The following TUSC3 variants were observed in gnomAD, a reference collection of about 807,000 sequenced individuals.
The protein encoded by TUSC3 is tumor suppressor candidate 3, also known as dolichyl-diphosphooligosaccharide--protein glycosyltransferase subunit TUSC3.
A neutral mutation model predicts 44.8 loss-of-function variants in TUSC3; 45 were observed. The observed-to-expected ratio is 1.00, with a 90% confidence interval of 0.79 to 1.29. The LOEUF (loss-of-function observed/expected upper bound fraction) is 1.29. Among genes scored for constraint, TUSC3 ranks in the 50% most tolerant of loss-of-function variants. The pLI is 0.00. For synonymous variants in TUSC3, 212 were observed against 152.9 expected, an observed-to-expected ratio of 1.39 and a Z score of -2.85; for missense variants, 519 against 437.9, an observed-to-expected ratio of 1.19 and a Z score of -1.65.
chr8:15,742,345 T>A (rs1204319629), intron 7 of TUSC3, among the ~76,000 whole-genome samples: 1 of 140,588 alleles, frequency 7.1e-6, no homozygotes, highest in African/African-American at 2.6e-5. Flanking sequence ...GAAAAACCGT[T>A]TGTATAGAGA....
At chr8:15,842,381 GA>G in the TUSC3 span, among the ~76,000 whole-genome samples, 1 of 152,232 alleles carries the variant, frequency 6.6e-6, no homozygotes, top group East Asian at 1.9e-4. Flanking sequence ...GATTAAACTT[GA>G]TATTGTACAC....
the TUSC3 span, among the ~76,000 whole-genome samples, chr8:15,777,159 A>G: frequency 1.3e-5 from 2 of 152,196 alleles, no homozygotes; most frequent in African/African-American, 4.8e-5. Context: ...AGGGTAACTA[A>G]AAGATAAATC....
At chr8:15,467,381 T>C (rs535538695) in intron 1 of TUSC3, among the ~76,000 whole-genome samples, 119 of 151,456 alleles carry the variant, frequency 7.9e-4, no homozygotes, top group African/African-American at 2.8e-3. Flanking sequence ...ATCTGAAACA[T>C]GGTGTGTGGG....
intron 7 of TUSC3, among the ~76,000 whole-genome samples, chr8:15,742,696 G>T (rs913350928): frequency 6.6e-6 from 1 of 152,202 alleles, no homozygotes; most frequent in Admixed American, 6.5e-5. Flanking sequence ...AATTGAGGAG[G>T]TTCTGGGCTA....
chr8:15,425,438 G>A (rs1347592398), intron 1 of TUSC3, among the ~76,000 whole-genome samples: 8 of 152,198 alleles, frequency 5.3e-5, no homozygotes. Context: ...AAAATTAAGG[G>A]AAGACTTCTG....
chr8:15,576,410 C>A (rs1585117720), intron 1 of TUSC3, among the ~76,000 whole-genome samples: 1 of 149,038 alleles, frequency 6.7e-6, no homozygotes, highest in African/African-American at 2.5e-5. Flanking sequence ...GCTGCACCCA[C>A]TAACTAGTCA....
intron 1 of TUSC3, among the ~76,000 whole-genome samples, chr8:15,466,939 A>G (rs1800422585): frequency 6.6e-6 from 1 of 152,112 alleles, no homozygotes; most frequent in Non-Finnish European, 1.5e-5. Flanking sequence ...CCTTTAGCAT[A>G]ATGGAATTAG....
chr8:15,680,093 G>A (rs952842024), intron 6 of TUSC3, among the ~76,000 whole-genome samples: 3 of 143,872 alleles, frequency 2.1e-5, no homozygotes, highest in African/African-American at 7.3e-5. Flanking sequence ...ATGAATTTTA[G>A]AATAGCTTTT....
the TUSC3 span, among the ~76,000 whole-genome samples, chr8:15,833,714 G>A: frequency 1.3e-5 from 2 of 151,946 alleles, no homozygotes; most frequent in Non-Finnish European, 2.9e-5. Flanking sequence ...GGAGAGAAAT[G>A]ACCACAGAAA....
chr8:15,667,611 A>G (rs548438669), intron 5 of TUSC3, among the ~76,000 whole-genome samples: 31 of 151,818 alleles, frequency 2.0e-4, no homozygotes, highest in Non-Finnish European at 3.8e-4. Flanking sequence ...TTTCACTTTC[A>G]CTAGCAGCTT....
At chr8:15,576,109 A>T (rs1004346470) in intron 1 of TUSC3, among the ~76,000 whole-genome samples, 11 of 151,836 alleles carry the variant, frequency 7.2e-5, no homozygotes, top group African/African-American at 2.7e-4. Flanking sequence ...CTAATTAATG[A>T]TCTCTTGTTA....
intron 1 of TUSC3, among the ~76,000 whole-genome samples, chr8:15,617,135 TA>T (rs1291270281): frequency 3.7e-4 from 34 of 90,900 alleles, no homozygotes; most frequent in South Asian, 8.1e-4. Flanking sequence ...TGTGTGTGTA[TA>T]TATTTTTTTT....
At chr8:15,839,414 G>T in the TUSC3 span, among the ~76,000 whole-genome samples, 11 of 152,004 alleles carry the variant, frequency 7.2e-5, no homozygotes, top group African/African-American at 2.4e-4. Flanking sequence ...AGTGGTGAGT[G>T]AGGGCATCCC....
chr8:15,775,967 T>G, the TUSC3 span, among the ~76,000 whole-genome samples: 1 of 151,920 alleles, frequency 6.6e-6, no homozygotes. Context: ...ATTTAAATAA[T>G]GGGGATGAGG....
chr8:15,618,095 A>G (rs1805074567), intron 1 of TUSC3, among the ~76,000 whole-genome samples: 1 of 152,190 alleles, frequency 6.6e-6, no homozygotes, highest in South Asian at 2.1e-4. Context: ...CCACCTGTCT[A>G]GGACACTCTC....
chr8:15,629,581 A>C (rs1585170878), intron 2 of TUSC3, among the ~76,000 whole-genome samples: 1 of 123,584 alleles, frequency 8.1e-6, no homozygotes, highest in African/African-American at 3.1e-5. Flanking sequence ...CACGTGAATT[A>C]CTCCTCCTGG....
intron 1 of TUSC3, among the ~76,000 whole-genome samples, chr8:15,600,505 T>C (rs1020406491): frequency 6.6e-6 from 1 of 151,682 alleles, no homozygotes; most frequent in Non-Finnish European, 1.5e-5. Flanking sequence ...ATTTTTATCA[T>C]TATTGTGACC....
At chr8:15,681,171 G>C (rs1040292068) in intron 6 of TUSC3, among the ~76,000 whole-genome samples, 3 of 149,118 alleles carry the variant, frequency 2.0e-5, no homozygotes, top group South Asian at 2.1e-4. Context: ...ATTGATGTCA[G>C]CTCTTCTTTA....
chr8:15,496,355 A>T (rs1800879835), intron 2 of TUSC3, among the ~76,000 whole-genome samples: 1 of 152,184 alleles, frequency 6.6e-6, no homozygotes, highest in Non-Finnish European at 1.5e-5. Flanking sequence ...TCTAGGGGCC[A>T]TCCTAACTGT....
Sources: allele counts gnomAD v4.1 joint callset (sites outside exome capture counted in the v4.1 genomes callset), GRCh38; gene constraint gnomAD v4.1.1; transcripts MANE v1.5; gene names NCBI Gene and HGNC (gene_info 2026-07-23, HGNC 2026-07-21).